PTPRN2: variants seen among roughly 807,000 people sequenced by gnomAD.
PTPRN2 encodes the protein protein tyrosine phosphatase receptor type N2.
PTPRN2 carries 74 observed loss-of-function variants against 118.8 expected under a neutral mutation model. That is an observed-to-expected ratio of 0.62 (90% CI 0.52 to 0.76). The LOEUF (loss-of-function observed/expected upper bound fraction) is 0.76. Ranked by LOEUF, PTPRN2 falls within the 30% of genes least tolerant of loss-of-function variation. The pLI is 0.00. For missense variants in PTPRN2, 1,481 were observed against 1,394.4 expected, an observed-to-expected ratio of 1.06 and a Z score of -0.99; for synonymous variants, 641 against 608.0, an observed-to-expected ratio of 1.05 and a Z score of -0.80.
At chr7:158,249,608 T>C (rs1466578056) in intron 3 of PTPRN2, among the ~76,000 whole-genome samples, 1 of 152,010 alleles carries the variant, frequency 6.6e-6, no homozygotes, top group Non-Finnish European at 1.5e-5. Context: ...GCACCATACC[T>C]GTGAGTTGGA....
At chr7:157,885,376 C>T (rs1013999210) in intron 12 of PTPRN2, among the ~76,000 whole-genome samples, 2 of 152,186 alleles carry the variant, frequency 1.3e-5, no homozygotes, top group African/African-American at 4.8e-5. Context: ...ATCCTGGCAG[C>T]CACCCAGGCC....
intron 3 of PTPRN2, among the ~76,000 whole-genome samples, chr7:158,268,392 C>T (rs115123950): frequency 0.013 from 1,823 of 144,836 alleles, 46 homozygotes; most frequent in African/African-American, 0.044. Flanking sequence ...ATATCCCAGC[C>T]GCACGCACAC....
rs771551857 is a variant in PTPRN2, at chr7:158,495,767, G to A, written c.113-5982C>T. 7.2e-5 allele frequency among the ~76,000 whole-genome samples: 11 copies of A among 152,296 alleles called. No individual in the cohort carries two copies. The East Asian group carries it at 7.7e-4, about 11-fold the overall frequency. On this transcript the variant is annotated intron_variant, in intron 1 of 22. Coordinates refer to ENST00000389418, the MANE Select transcript of PTPRN2 (RefSeq NM_002847.5). ...GATTAAAGCGCCTCAGCCCGGAGGC[G>A]GGGCTGCCTCTGCCAGGCTGGGCGT...
At position 157,802,483 on chromosome 7, in the gene PTPRN2, TG is replaced by T. The variant is rs140848246; in HGVS notation, c.1788+96189del. Among the ~76,000 whole-genome samples, 67 of 152,326 alleles carry T rather than the reference TG, an allele frequency of 4.4e-4. No homozygotes were observed. In the East Asian group the frequency reaches 0.01, roughly 23 times the overall value. ...CCACGCTTTCCTGCCCGCTCGTCCC[TG>T]GGGGACATGTGCTTCCATGTCTTGG... On this transcript the variant is annotated intron_variant, in intron 12 of 22. Coordinates refer to ENST00000389418, the MANE Select transcript of PTPRN2 (RefSeq NM_002847.5).
rs1437061722 is a variant in PTPRN2, at chr7:158,131,071, A to T, written c.1556+2606T>A. Among the ~76,000 whole-genome samples the T allele has an allele frequency of 9.8e-4, 85 of 86,328 alleles. 1 individual carries two copies. In the South Asian group the frequency reaches 0.021, roughly 22 times the overall value. The allele number at this position is 86,328 out of a possible 152,430, so 56.6% of individuals were successfully genotyped here. A position where few individuals can be genotyped will look rare whatever the true frequency, so the allele number is the denominator to read the frequency against. ...ACATACAGACACCTGCCCAACACAC[A>T]CACTTATACACACACGCACATACAC... On this transcript the variant is annotated intron_variant, in intron 9 of 22. Transcript: ENST00000389418.
At chr7:158,472,782 A>G (rs762327605) in intron 2 of PTPRN2, among the ~76,000 whole-genome samples, 20 of 152,346 alleles carry the variant, frequency 1.3e-4, no homozygotes, top group Non-Finnish European at 2.5e-4. Context: ...AGGCCGTTGC[A>G]TGCAAGGGCC....
intron 2 of PTPRN2, among the ~76,000 whole-genome samples, chr7:158,417,897 C>A (rs113946925): frequency 1.3e-5 from 2 of 149,414 alleles, no homozygotes; most frequent in African/African-American, 4.9e-5. Context: ...TCATGGTGTA[C>A]TACATCGAGA....
chr7:158,267,513 G>A (rs1029524797), intron 3 of PTPRN2, among the ~76,000 whole-genome samples: 52 of 152,260 alleles, frequency 3.4e-4, no homozygotes, highest in African/African-American at 1.1e-3. Flanking sequence ...GGAGATGATG[G>A]ACGTGGGCTC....
In PTPRN2 at chr7:158,319,418, C is replaced by CCT. The variant is rs1563131094; in HGVS notation, c.164-2487_164-2486insAG. Among the ~76,000 whole-genome samples, 39 of 88,196 alleles carry CCT rather than the reference C, an allele frequency of 4.4e-4. 8 individuals are homozygous for CCT. The highest frequency in any genetic ancestry group is 7.4e-4 in the Non-Finnish European group (32 of 43,080). 57.9% of individuals were successfully genotyped at this position (88,196 alleles called of 152,430 possible). A position where few individuals can be genotyped will look rare whatever the true frequency, so the allele number is the denominator to read the frequency against. On this transcript the variant is annotated intron_variant, in intron 2 of 22. Transcript: ENST00000389418. The stretch of plus-strand genomic sequence containing the variant: ...GCCTCCCACACACACACACAGCCTC[C>CCT]CACACACACACACACACAGCCTCCC...
At chr7:157,848,681 G>A (rs1809055858) in intron 12 of PTPRN2, among the ~76,000 whole-genome samples, 1 of 152,252 alleles carries the variant, frequency 6.6e-6, no homozygotes, top group Non-Finnish European at 1.5e-5. Flanking sequence ...GACGGCTTCC[G>A]CGGGATCCCA....
intron 9 of PTPRN2, among the ~76,000 whole-genome samples, chr7:158,132,297 A>T (rs1818404011): frequency 6.6e-6 from 1 of 151,742 alleles, no homozygotes; most frequent in Non-Finnish European, 1.5e-5. Context: ...ACTGATACAC[A>T]TCTACCCGAC....
At chr7:157,875,043 G>T (rs977302316) in intron 12 of PTPRN2, among the ~76,000 whole-genome samples, 2 of 151,284 alleles carry the variant, frequency 1.3e-5, no homozygotes, top group African/African-American at 4.9e-5. Flanking sequence ...ACACACACAC[G>T]CGCACACACA....
At chr7:158,055,512 C>T (rs1476990452) in intron 11 of PTPRN2, among the ~76,000 whole-genome samples, 2 of 152,244 alleles carry the variant, frequency 1.3e-5, no homozygotes, top group African/African-American at 4.8e-5. Context: ...GCCTAACCGT[C>T]TCCCTGTGAT....
At chr7:157,951,625 G>A (rs527327262) in intron 11 of PTPRN2, among the ~76,000 whole-genome samples, 4 of 152,292 alleles carry the variant, frequency 2.6e-5, no homozygotes, top group South Asian at 2.1e-4. Context: ...CTTACTAAAC[G>A]ATGTTCCCGT....
intron 21 of PTPRN2, among the ~76,000 whole-genome samples, chr7:157,555,190 C>G (rs950852407): frequency 3.3e-5 from 5 of 152,206 alleles, no homozygotes; most frequent in African/African-American, 9.7e-5. Flanking sequence ...AAATCGCTCT[C>G]ATTGTTATTT....
At chr7:158,150,951 G>C (rs1418786678) in intron 6 of PTPRN2, among the ~76,000 whole-genome samples, 2 of 151,744 alleles carry the variant, frequency 1.3e-5, no homozygotes, top group Non-Finnish European at 2.9e-5. Flanking sequence ...ATATTATTCT[G>C]TGCATCCCAC....
intron 2 of PTPRN2, among the ~76,000 whole-genome samples, chr7:158,329,932 G>A (rs938323840): frequency 7.9e-5 from 12 of 152,012 alleles, no homozygotes; most frequent in African/African-American, 2.9e-4. Context: ...GTCCTATTCT[G>A]CAACCAACTC....
chr7:158,123,566 C>T (rs1817355550), intron 9 of PTPRN2, among the ~76,000 whole-genome samples: 3 of 152,230 alleles, frequency 2.0e-5, no homozygotes, highest in African/African-American at 7.2e-5. Context: ...CCCCGGAGCT[C>T]GTGTGCCGCA....
intron 16 of PTPRN2, among the ~76,000 whole-genome samples, chr7:157,599,337 A>G (rs770366744): frequency 2.6e-5 from 4 of 152,162 alleles, no homozygotes; most frequent in Non-Finnish European, 5.9e-5. Flanking sequence ...AATAAAGCCC[A>G]TTTGTCTGTG....
Sources: gnomAD v4.1 joint callset for allele counts (sites outside exome capture counted in the v4.1 genomes callset) on GRCh38, gnomAD v4.1.1 for gene constraint, MANE v1.5 for transcripts, NCBI Gene and HGNC (gene_info 2026-07-23, HGNC 2026-07-21) for gene names.